ADAMTS17: variants seen among roughly 807,000 people sequenced by gnomAD.
The protein encoded by ADAMTS17 is ADAM metallopeptidase with thrombospondin type 1 motif 17.
Under a neutral mutation model 141.5 loss-of-function variants are expected in ADAMTS17, and 113 were observed. That is an observed-to-expected ratio of 0.80 (90% CI 0.69 to 0.93). ADAMTS17 has a LOEUF of 0.93. Among genes scored for constraint, ADAMTS17 ranks in the 40% least tolerant of loss-of-function variants. The pLI is 0.00. For synonymous variants in ADAMTS17, 768 were observed against 630.6 expected, an observed-to-expected ratio of 1.22 and a Z score of -3.27; for missense variants, 1,659 against 1,517.9, an observed-to-expected ratio of 1.09 and a Z score of -1.54.
chr15:100,249,579 C>T (rs902327948), intron 7 of ADAMTS17, among the ~76,000 whole-genome samples: 6 of 152,312 alleles, frequency 3.9e-5, no homozygotes, highest in African/African-American at 1.4e-4. Context: ...CCACTAACTT[C>T]TATGTGATGT....
At chr15:100,107,081 C>T (rs1250822554) in intron 14 of ADAMTS17, among the ~76,000 whole-genome samples, 1 of 152,166 alleles carries the variant, frequency 6.6e-6, no homozygotes, top group South Asian at 2.1e-4. Context: ...CCTGAAAAAT[C>T]CCAGTTTCAG....
At chr15:100,093,369 C>T (rs2035581555) in intron 15 of ADAMTS17, among the ~76,000 whole-genome samples, 2 of 152,122 alleles carry the variant, frequency 1.3e-5, no homozygotes, top group South Asian at 2.1e-4. Context: ...TCCGCTTTAT[C>T]TTTCTGGTGT....
In ADAMTS17 at chr15:100,275,098, C is replaced by T. The variant is rs142175218; in HGVS notation, c.789+6131G>A. On this transcript the variant is annotated intron_variant, in intron 4 of 21. Transcript: ENST00000268070. ...ACAGGGTGGGCCTCATCAGAGGGAT[C>T]AGCAAAGAGGGACCCTCTGAGGGGA... Among the ~76,000 whole-genome samples the T allele has an allele frequency of 1.7e-3, 262 of 152,300 alleles. 1 individual carries two copies. Among genetic ancestry groups the T allele is most frequent in the African/African-American group, 6.1e-3 (253 of 41,556 alleles).
chr15:100,119,484 A>G (rs2037342346), intron 12 of ADAMTS17, among the ~76,000 whole-genome samples: 2 of 152,218 alleles, frequency 1.3e-5, no homozygotes, highest in South Asian at 4.1e-4. Context: ...ATTGGTGAAC[A>G]TCATGTGATT....
chr15:99,983,220 C>T (rs143550986), intron 20 of ADAMTS17, among the ~76,000 whole-genome samples: 9 of 152,284 alleles, frequency 5.9e-5, no homozygotes, highest in East Asian at 3.9e-4. Flanking sequence ...ACCGGGCTTA[C>T]GTACGAGCTT....
intron 15 of ADAMTS17, among the ~76,000 whole-genome samples, chr15:100,082,636 CTTTT>C (rs778267407): frequency 1.4e-4 from 22 of 151,828 alleles, no homozygotes; most frequent in Admixed American, 2.6e-4. Flanking sequence ...TTTGAGATCT[CTTTT>C]TTGTTTTCTG....
intron 18 of ADAMTS17, among the ~76,000 whole-genome samples, chr15:100,022,198 C>T (rs1388980136): frequency 1.3e-5 from 2 of 152,120 alleles, no homozygotes; most frequent in Admixed American, 6.5e-5. Flanking sequence ...CTGTTATCAC[C>T]CAGTGTCCCC....
intron 4 of ADAMTS17, among the ~76,000 whole-genome samples, chr15:100,279,615 C>T (rs1484583293): frequency 2.6e-5 from 4 of 152,216 alleles, no homozygotes; most frequent in Non-Finnish European, 5.9e-5. Context: ...GAGCTAAATT[C>T]CTGACCTGCT....
intron 8 of ADAMTS17, among the ~76,000 whole-genome samples, chr15:100,192,804 T>C (rs1020738712): frequency 6.6e-6 from 1 of 152,236 alleles, no homozygotes; most frequent in Non-Finnish European, 1.5e-5. Flanking sequence ...CAATTTCTTT[T>C]CATTTGAACC....
At chr15:100,128,000 G>A (rs571975512) in intron 12 of ADAMTS17, among the ~76,000 whole-genome samples, 1 of 152,180 alleles carries the variant, frequency 6.6e-6, no homozygotes, top group African/African-American at 2.4e-5. Flanking sequence ...CGTGGTGCAG[G>A]TCTGCTGCAT....
At position 99,976,115 on chromosome 15, in the gene ADAMTS17, G is replaced by T; in HGVS notation, c.3057C>A (p.Pro1019=). 2 of 1,551,522 alleles carry T rather than the reference G, an allele frequency of 1.3e-6. No individual in the cohort carries two copies. Among genetic ancestry groups the T allele is most frequent in the Non-Finnish European group, 1.7e-6 (2 of 1,146,976 alleles). ...AGACCTCCTGGTAGCACTGTCTGTA[G>T]GGGGCAGGCTTCGAGAGGGCGGGGC... The part of the protein sequence containing the change: ...SECPALSKPA[P]YRQCYQEVCN... Residue 1019 remains proline (P), a synonymous_variant, in exon 21 of 22, where the codon CCC becomes CCA. Transcript: ENST00000268070.
At chr15:100,126,135 C>T (rs149329246) in intron 12 of ADAMTS17, 1 of 152,352 alleles carries the variant, frequency 6.6e-6, no homozygotes, top group East Asian at 1.9e-4. Flanking sequence ...GGGCATCCTG[C>T]AGAAGCAGGC....
chr15:100,203,661 C>T (rs186669200), intron 7 of ADAMTS17, among the ~76,000 whole-genome samples: 34 of 152,090 alleles, frequency 2.2e-4, no homozygotes, highest in African/African-American at 6.8e-4. Flanking sequence ...GCCGAGATCG[C>T]GCCACTGCAC....
chr15:100,126,376 G>A (rs75071126), intron 12 of ADAMTS17: 3 of 152,256 alleles, frequency 2.0e-5, no homozygotes, highest in African/African-American at 4.8e-5. Context: ...AAAGATCGAA[G>A]AGACTACCAA....
chr15:100,271,646 T>C (rs536017422), intron 4 of ADAMTS17, among the ~76,000 whole-genome samples: 2 of 152,298 alleles, frequency 1.3e-5, no homozygotes, highest in East Asian at 1.9e-4. Context: ...TTATAAAATA[T>C]TTGATTTGCA....
chr15:100,266,668 A>G lies in ADAMTS17; in HGVS notation c.790-4233T>C, dbSNP rs576373529. On this transcript the variant is annotated intron_variant, in intron 4 of 21. Coordinates refer to ENST00000268070, the MANE Select transcript of ADAMTS17 (RefSeq NM_139057.4). Reference sequence around the variant, plus strand: ...AACCAGCTATTTCTGTGCTTCTCCAATGCCAGCCTGACCACCACTGGCTGG... The same window carrying G: ...AACCAGCTATTTCTGTGCTTCTCCAGTGCCAGCCTGACCACCACTGGCTGG... Among the ~76,000 whole-genome samples, 3 of 152,114 alleles carry G rather than the reference A, an allele frequency of 2.0e-5. No homozygotes were observed. In the East Asian group the frequency reaches 5.8e-4, roughly 29 times the overall value.
chr15:100,251,240 A>C (rs1410828117), intron 7 of ADAMTS17, among the ~76,000 whole-genome samples: 1 of 152,198 alleles, frequency 6.6e-6, no homozygotes, highest in Non-Finnish European at 1.5e-5. Context: ...CCGACCATTA[A>C]AAGACTTTCT....
Position 99,971,864 on chromosome 15 carries a change from T to C in ADAMTS17, c.*2538A>G, listed in dbSNP as rs1346778351. 1 of 152,260 alleles carries C rather than the reference T, an allele frequency of 6.6e-6. No homozygotes were observed. The highest frequency in any genetic ancestry group is 1.5e-5 in the Non-Finnish European group (1 of 68,068). 9.4% of individuals were successfully genotyped at this position (152,260 alleles called of 1,614,324 possible). A position where few individuals can be genotyped will look rare whatever the true frequency, so the allele number is the denominator to read the frequency against. On this transcript the variant is annotated 3_prime_UTR_variant, in exon 22 of 22. Transcript: ENST00000268070. ...GGTATTAACACAGAAACATCACTGCTGTGATCAGCATCTAGTGGAACAAGA... is the reference window on the plus strand; with the variant it reads ...GGTATTAACACAGAAACATCACTGCCGTGATCAGCATCTAGTGGAACAAGA...
intron 7 of ADAMTS17, among the ~76,000 whole-genome samples, chr15:100,240,472 C>A (rs1248850595): frequency 6.6e-6 from 1 of 152,206 alleles, no homozygotes; most frequent in Non-Finnish European, 1.5e-5. Flanking sequence ...CCACTCTCTG[C>A]CAAAGAGCAA....
Sources: gnomAD v4.1 joint callset for allele counts (sites outside exome capture counted in the v4.1 genomes callset) on GRCh38, gnomAD v4.1.1 for gene constraint, MANE v1.5 for transcripts, NCBI Gene and HGNC (gene_info 2026-07-23, HGNC 2026-07-21) for gene names.